Variants in ERG observed in about 807,000 individuals in gnomAD.
ERG encodes transcriptional regulator ERG.
A neutral mutation model predicts 55.3 loss-of-function variants in ERG; 9 were observed. The ratio of observed to expected loss-of-function variants is 0.16; its 90% CI spans 0.10 to 0.28. ERG has a LOEUF of 0.28. ERG is among the 10% of genes least tolerant of loss of function. ERG has a pLI of 1.00. For missense variants in ERG, 434 were observed against 631.6 expected, an observed-to-expected ratio of 0.69 and a Z score of 3.35; for synonymous variants, 223 against 237.3, an observed-to-expected ratio of 0.94 and a Z score of 0.55.
chr21:38,636,216 C>T (rs1304862895), intron 1 of ERG, among the ~76,000 whole-genome samples: 1 of 152,196 alleles, frequency 6.6e-6, no homozygotes, highest in Non-Finnish European at 1.5e-5. Flanking sequence ...CTGAGGCCTC[C>T]CCAGCCATGT....
chr21:38,443,552 G>A (rs2058861206), intron 2 of ERG, among the ~76,000 whole-genome samples: 1 of 152,174 alleles, frequency 6.6e-6, no homozygotes, highest in African/African-American at 2.4e-5. Context: ...CATAAACACT[G>A]CTGCATTCTT....
At chr21:38,608,049 C>T (rs1349915223) in intron 1 of ERG, among the ~76,000 whole-genome samples, 2 of 152,102 alleles carry the variant, frequency 1.3e-5, no homozygotes, top group East Asian at 1.9e-4. Flanking sequence ...AAATGAAAGT[C>T]ACAAAATAAG....
chr21:38,375,201 G>A (rs1247121812), downstream of ERG, among the ~76,000 whole-genome samples: 2 of 152,198 alleles, frequency 1.3e-5, no homozygotes, highest in Non-Finnish European at 2.9e-5. Flanking sequence ...AGCAAGGGCA[G>A]GATTTGGATC....
At chr21:38,641,252 T>C (rs946005154) in intron 1 of ERG, among the ~76,000 whole-genome samples, 2 of 152,168 alleles carry the variant, frequency 1.3e-5, no homozygotes, top group Non-Finnish European at 2.9e-5. Context: ...ATGGGATCAA[T>C]GCCCTTATAA....
chr21:38,430,691 T>C (rs982549292), intron 2 of ERG, among the ~76,000 whole-genome samples: 1 of 152,180 alleles, frequency 6.6e-6, no homozygotes, highest in Admixed American at 6.5e-5. Flanking sequence ...AACTGAACAA[T>C]AGCCCAATGG....
intron 2 of ERG, among the ~76,000 whole-genome samples, chr21:38,429,826 T>G (rs1483557179): frequency 6.6e-6 from 1 of 152,144 alleles, no homozygotes; most frequent in African/African-American, 2.4e-5. Context: ...ATTTTTGCAA[T>G]TGCGAATTGT....
chr21:38,377,237 A>G (rs899561212), downstream of ERG, among the ~76,000 whole-genome samples: 3 of 152,258 alleles, frequency 2.0e-5, no homozygotes, highest in African/African-American at 7.2e-5. Flanking sequence ...TATCAAAAGT[A>G]GTAGCAATTA....
At chr21:38,568,965 C>T (rs1030998864) in intron 2 of ERG, among the ~76,000 whole-genome samples, 13 of 152,158 alleles carry the variant, frequency 8.5e-5, no homozygotes, top group African/African-American at 2.7e-4. Flanking sequence ...TAGATGCTGT[C>T]GGCAGGACAC....
intron 2 of ERG, among the ~76,000 whole-genome samples, chr21:38,519,129 A>G (rs2059575045): frequency 6.6e-6 from 1 of 152,220 alleles, no homozygotes. Context: ...AAGACTAACA[A>G]TGTTGGTGAA....
intron 1 of ERG, among the ~76,000 whole-genome samples, chr21:38,604,114 A>G (rs111593285): frequency 0.071 from 10,809 of 151,852 alleles, 693 homozygotes; most frequent in African/African-American, 0.17. Flanking sequence ...TTAGCTGGGC[A>G]TGGTAGCGGG....
At chr21:38,399,736 C>CCTCCCCACCCCTGCTCCTA (rs1443648484) in intron 6 of ERG, among the ~76,000 whole-genome samples, 1 of 152,170 alleles carries the variant, frequency 6.6e-6, no homozygotes, top group Non-Finnish European at 1.5e-5. Context: ...GGATTGAGTT[C>CCTCCCCACCCCTGCTCCTA]CTCCCCACCC....
In ERG at chr21:38,429,367, GTACACATATACATATATATGTACACATA is replaced by G. The variant is rs1198957975; in HGVS notation, c.237-5834_237-5807del. On this transcript the variant is annotated intron_variant, in intron 2 of 9. Coordinates refer to ENST00000288319, the MANE Select transcript of ERG (RefSeq NM_182918.4). ...ATGCACACATATACATATATAATATGTACACATATACATATATATGTACACATATACACATGTACATACGCACATATAA... is the reference window on the plus strand; with the variant it reads ...ATGCACACATATACATATATAATATGTACACATGTACATACGCACATATAA... Among the ~76,000 whole-genome samples the G allele has an allele frequency of 1.2e-4, 15 of 123,210 alleles. 1 individual carries two copies. The South Asian group carries it at 4.3e-3, about 35-fold the overall frequency. The allele number at this position is 123,210 out of a possible 152,430, so 80.8% of individuals were successfully genotyped here.
At chr21:38,527,617 G>A (rs1311156881) in intron 2 of ERG, among the ~76,000 whole-genome samples, 3 of 152,228 alleles carry the variant, frequency 2.0e-5, no homozygotes, top group East Asian at 3.9e-4. Context: ...CTCAGGCATG[G>A]AGCCCCACCC....
intron 2 of ERG, among the ~76,000 whole-genome samples, chr21:38,431,796 T>G (rs1460203622): frequency 6.6e-6 from 1 of 152,208 alleles, no homozygotes; most frequent in Non-Finnish European, 1.5e-5. Flanking sequence ...CAGTAAACAA[T>G]ATCGTTCCCA....
chr21:38,494,975 C>T (rs1423218117), intron 1 of ERG, among the ~76,000 whole-genome samples: 1 of 152,256 alleles, frequency 6.6e-6, no homozygotes, highest in African/African-American at 2.4e-5. Context: ...AGAGCATGCT[C>T]TGAAATGACT....
intron 2 of ERG, among the ~76,000 whole-genome samples, chr21:38,571,513 AAAAAATAAAT>A (rs1240462605): frequency 6.6e-6 from 1 of 152,028 alleles, no homozygotes; most frequent in Non-Finnish European, 1.5e-5. Flanking sequence ...TATGTCTTAA[AAAAAATAAAT>A]AAAAATAAAT....
chr21:38,597,059 C>A (rs143866908), intron 1 of ERG, among the ~76,000 whole-genome samples: 2 of 152,148 alleles, frequency 1.3e-5, no homozygotes, highest in Non-Finnish European at 2.9e-5. Context: ...ATGGTAATAT[C>A]TTCTTCTTCC....
chr21:38,639,577 C>T (rs1407748414), intron 1 of ERG, among the ~76,000 whole-genome samples: 1 of 152,104 alleles, frequency 6.6e-6, no homozygotes, highest in Non-Finnish European at 1.5e-5. Context: ...AAGAGGCCCA[C>T]TGAGTACCCC....
intron 1 of ERG, among the ~76,000 whole-genome samples, chr21:38,463,703 T>C (rs1446773682): frequency 6.6e-6 from 1 of 152,112 alleles, no homozygotes; most frequent in Non-Finnish European, 1.5e-5. Context: ...AGGAAAAGCA[T>C]AGAAGTGGGG....
Sources: allele counts gnomAD v4.1 joint callset (sites outside exome capture counted in the v4.1 genomes callset), GRCh38; gene constraint gnomAD v4.1.1; transcripts MANE v1.5; gene names NCBI Gene and HGNC (gene_info 2026-07-23, HGNC 2026-07-21).